Variants in ZNF385D observed in about 807,000 individuals in gnomAD.
ZNF385D encodes the protein zinc finger protein 385D, also known as zinc finger protein 659.
In ZNF385D, 15 loss-of-function variants were observed where a neutral mutation model predicts 35.8. The ratio of observed to expected loss-of-function variants is 0.42; its 90% confidence interval spans 0.28 to 0.64. The LOEUF is 0.64. Among genes scored for constraint, ZNF385D ranks in the 30% least tolerant of loss-of-function variants. The pLI, the probability that ZNF385D is intolerant of heterozygous loss-of-function variation, is 0.23. For synonymous variants in ZNF385D, 212 were observed against 186.8 expected (o/e 1.13, Z -1.10); for missense variants, 474 against 494.6 (o/e 0.96, Z 0.39).
chr3:22,117,789 T>A (rs1284019136), intron 3 of ZNF385D, among the ~76,000 whole-genome samples: 1 of 151,890 alleles, frequency 6.6e-6, no homozygotes, highest in Non-Finnish European at 1.5e-5. Context: ...TTAAGAAAAA[T>A]ATTCACTTTT....
intron 3 of ZNF385D, among the ~76,000 whole-genome samples, chr3:21,973,358 A>T (rs1362974995): frequency 6.6e-6 from 1 of 152,002 alleles, no homozygotes. Context: ...CATTTGCTAC[A>T]TTTTAACATT....
At chr3:21,422,677 G>T (rs1700798614) in intron 7 of ZNF385D, among the ~76,000 whole-genome samples, 1 of 152,162 alleles carries the variant, frequency 6.6e-6, no homozygotes, top group Non-Finnish European at 1.5e-5. Flanking sequence ...ATGAGAGGTT[G>T]GTTCAACATA....
chr3:21,962,966 G>T (rs7619247), intron 3 of ZNF385D, among the ~76,000 whole-genome samples: 2 of 151,980 alleles, frequency 1.3e-5, no homozygotes, highest in Admixed American at 6.6e-5. Flanking sequence ...CTTTCTCCAA[G>T]ATTATCTCTG....
At chr3:21,431,826 T>C (rs1701304859) in intron 5 of ZNF385D, among the ~76,000 whole-genome samples, 1 of 152,164 alleles carries the variant, frequency 6.6e-6, no homozygotes, top group African/African-American at 2.4e-5. Flanking sequence ...AATAAGGTCA[T>C]GAACACTAAC....
chr3:21,849,679 T>C (rs1696259045), intron 3 of ZNF385D: 1 of 145,052 alleles, frequency 6.9e-6, no homozygotes, highest in South Asian at 2.4e-4. Flanking sequence ...CACTCTCATA[T>C]CTTCTAATGC....
At chr3:22,352,094 G>T (rs1695942491) in intron 2 of ZNF385D, among the ~76,000 whole-genome samples, 1 of 152,146 alleles carries the variant, frequency 6.6e-6, no homozygotes, top group South Asian at 2.1e-4. Context: ...CCAGCAATAT[G>T]ATGGGTATCA....
In ZNF385D at chr3:21,419,384, C is replaced by A. The variant is rs902563528; in HGVS notation, c.*1830G>T. On this transcript the variant is annotated 3_prime_UTR_variant, in exon 8 of 8. Coordinates refer to ENST00000281523, the MANE Select transcript of ZNF385D (RefSeq NM_024697.3). ...CATGTTTAATGTTGAGCACCAAGCACGCTATGGTGTTTCTTAAATATAAAA... is the reference window on the plus strand; with the variant it reads ...CATGTTTAATGTTGAGCACCAAGCAAGCTATGGTGTTTCTTAAATATAAAA... 1 of 152,026 alleles carries A rather than the reference C, an allele frequency of 6.6e-6. No individual in the cohort carries two copies. The highest frequency in any genetic ancestry group is 2.4e-5 in the African/African-American group (1 of 41,378). The allele number at this position is 152,026 out of a possible 1,614,324, so 9.4% of individuals were successfully genotyped here. A position where few individuals can be genotyped will look rare whatever the true frequency, so the allele number is the denominator to read the frequency against.
chr3:22,215,507 A>G (rs1697816677), intron 2 of ZNF385D, among the ~76,000 whole-genome samples: 1 of 152,096 alleles, frequency 6.6e-6, no homozygotes, highest in African/African-American at 2.4e-5. Flanking sequence ...CCAGTCTCCC[A>G]TAGTGCTCCC....
chr3:21,956,972 CGT>C (rs1702323882), intron 3 of ZNF385D, among the ~76,000 whole-genome samples: 1 of 151,944 alleles, frequency 6.6e-6, no homozygotes, highest in African/African-American at 2.4e-5. Flanking sequence ...AGAATTCCGA[CGT>C]GTTGTGGGAG....
chr3:21,620,651 A>C (rs1345557160), intron 2 of ZNF385D, among the ~76,000 whole-genome samples: 3 of 152,252 alleles, frequency 2.0e-5, no homozygotes, highest in Non-Finnish European at 2.9e-5. Context: ...TTCTCATTTG[A>C]ATGCCCTTAA....
At chr3:21,912,707 A>G (rs1433333980) in intron 3 of ZNF385D, among the ~76,000 whole-genome samples, 1 of 152,096 alleles carries the variant, frequency 6.6e-6, no homozygotes, top group African/African-American at 2.4e-5. Context: ...GAAAAAGAGC[A>G]AAATTCAATT....
intron 2 of ZNF385D, among the ~76,000 whole-genome samples, chr3:22,199,127 C>A (rs552709418): frequency 7.9e-5 from 12 of 151,974 alleles, no homozygotes; most frequent in South Asian, 2.1e-4. Context: ...GGCAAAAAAA[C>A]CAAACACACA....
intron 3 of ZNF385D, among the ~76,000 whole-genome samples, chr3:21,806,674 T>C (rs1226321392): frequency 6.6e-6 from 1 of 152,190 alleles, no homozygotes; most frequent in Admixed American, 6.5e-5. Context: ...AAACATATGT[T>C]ATATAGTAAT....
At chr3:22,153,861 C>A (rs963800830) in intron 3 of ZNF385D, among the ~76,000 whole-genome samples, 7 of 152,062 alleles carry the variant, frequency 4.6e-5, no homozygotes, top group African/African-American at 1.7e-4. Flanking sequence ...ACAGAAACTT[C>A]TGGATACCTT....
chr3:22,314,574 G>T (rs906985597), intron 2 of ZNF385D, among the ~76,000 whole-genome samples: 2 of 152,018 alleles, frequency 1.3e-5, no homozygotes, highest in East Asian at 1.9e-4. Context: ...TTCTACCCAG[G>T]ATATTAAGGA....
At chr3:21,978,651 T>G (rs140727295) in intron 3 of ZNF385D, among the ~76,000 whole-genome samples, 1 of 152,324 alleles carries the variant, frequency 6.6e-6, no homozygotes, top group East Asian at 1.9e-4. Flanking sequence ...AATTACTCTT[T>G]TATGAGTACA....
chr3:21,765,652 A>C (rs1474390864), intron 3 of ZNF385D, among the ~76,000 whole-genome samples: 1 of 151,314 alleles, frequency 6.6e-6, no homozygotes, highest in East Asian at 1.9e-4. Flanking sequence ...ACAAAAAAAA[A>C]ATAGAAAGAG....
At chr3:21,910,006 G>A (rs924322839) in intron 3 of ZNF385D, among the ~76,000 whole-genome samples, 11 of 151,850 alleles carry the variant, frequency 7.2e-5, no homozygotes, top group African/African-American at 2.7e-4. Context: ...CTGCTTCTCA[G>A]GCACATGCAC....
chr3:22,356,377 C>T (rs1029459702), intron 2 of ZNF385D, among the ~76,000 whole-genome samples: 1 of 151,702 alleles, frequency 6.6e-6, no homozygotes, highest in Non-Finnish European at 1.5e-5. Context: ...TTTTACTATC[C>T]CTTGATTTTT....
Sources: gnomAD v4.1 joint callset for allele counts (sites outside exome capture counted in the v4.1 genomes callset) on GRCh38, gnomAD v4.1.1 for gene constraint, MANE v1.5 for transcripts, NCBI Gene and HGNC (gene_info 2026-07-23, HGNC 2026-07-21) for gene names.